The following SUN2 variants were observed in gnomAD, a reference collection of about 807,000 sequenced individuals.
SUN2 encodes Sad1 and UNC84 domain containing 2, also known as SUN domain-containing protein 2.
Under a neutral mutation model 100.0 loss-of-function variants are expected in SUN2, and 60 were observed. The observed-to-expected ratio is 0.60, with a 90% CI of 0.49 to 0.74. SUN2 has a LOEUF of 0.74. SUN2 is among the 30% of genes least tolerant of loss of function. The probability of loss-of-function intolerance (pLI) is 0.00; values close to 1 mark genes in which losing one functional copy is unlikely to be tolerated. For synonymous variants in SUN2, 367 were observed against 403.3 expected (o/e 0.91, Z 1.08); for missense variants, 834 against 954.6 (o/e 0.87, Z 1.66).
chr22:38,740,462 G>A lies in SUN2; in HGVS notation c.1191-30C>T, dbSNP rs1386495606. 51 of 1,443,322 alleles carry A rather than the reference G, an allele frequency of 3.5e-5. No homozygotes were observed. Among genetic ancestry groups the A allele is most frequent in the Non-Finnish European group, 4.4e-5 (48 of 1,090,154 alleles). The allele number at this position is 1,443,322 out of a possible 1,614,324, so 89.4% of individuals were successfully genotyped here. A position where few individuals can be genotyped will look rare whatever the true frequency, so the allele number is the denominator to read the frequency against. ...TCCCAGAGAGAGAAGAGTAAGCCTC[G>A]GATCTCTTTGGTGGGAGGTAAGGCC... is the stretch of plus-strand genomic sequence containing the variant. On this transcript the variant is annotated intron_variant, in intron 11 of 17. Coordinates refer to ENST00000689035, the MANE Select transcript of SUN2 (RefSeq NM_015374.3). This position sits in a 1 kb window ranked among gnomAD's most constrained non-coding sequence, Gnocchi z 4.8.
At chr22:38,745,544 C>G in intron 8 of SUN2, 140 bp downstream of exon 8, 1 of 1,132,352 alleles carries the variant, frequency 8.8e-7, no homozygotes, top group Non-Finnish European at 1.3e-6. Context: ...TTTCTGTTTT[C>G]TGTGCCTTGT....
intron 1 of SUN2, chr22:38,754,837 G>T: frequency 7.8e-7 from 1 of 1,287,924 alleles, no homozygotes; most frequent in South Asian, 1.2e-5. Flanking sequence ...CGCCCTCCCA[G>T]AACTCCCAGA....
rs767850628 is a variant in SUN2, at chr22:38,745,791, A to T, written c.706T>A (p.Tyr236Asn). 1.9e-6 allele frequency: 3 copies of T among 1,614,008 alleles called. No homozygotes were observed. The East Asian group carries it at 6.7e-5, about 36-fold the overall frequency. Residue 236 changes from tyrosine to asparagine, a missense_variant, in exon 8 of 18, where the codon TAT (tyrosine) becomes AAT (asparagine). This residue lies in a region of SUN2 where 559 missense variants were observed against 597.7 expected (regional missense o/e 0.94). Transcript: ENST00000689035. The part of the protein sequence containing the change: ...LTYGAWYFYP[Y>N]GLQTFHPALV... Reference sequence around the variant, plus strand: ...GCAGGGTGGAATGTCTGCAGCCCATAGGGGTAGAAATACCAAGCACCTGTG... The same window carrying T: ...GCAGGGTGGAATGTCTGCAGCCCATTGGGGTAGAAATACCAAGCACCTGTG...
chr22:38,749,697 T>TGACACACTTTACCCGTCCCTTCAC, intron 6 of SUN2, 69 bp downstream of exon 6: 1 of 1,416,188 alleles, frequency 7.1e-7, no homozygotes, highest in Non-Finnish European at 9.9e-7. Context: ...CATTACAGGT[T>TGACACACTTTACCCGTCCCTTCAC]GACACACTTT....
Position 38,740,490 on chromosome 22 carries a change from A to G in SUN2, c.1191-58T>C, listed in dbSNP as rs995887855. Reference sequence around the variant, plus strand: ...TCTCTTTGGTGGGAGGTAAGGCCACACCAAAGATGAAAGAGGACCCCCTAG... The same window carrying G: ...TCTCTTTGGTGGGAGGTAAGGCCACGCCAAAGATGAAAGAGGACCCCCTAG... On this transcript the variant is annotated intron_variant, in intron 11 of 17. Coordinates refer to ENST00000689035, the MANE Select transcript of SUN2 (RefSeq NM_015374.3). The surrounding 1 kb of genome is among the most constrained non-coding windows in gnomAD (Gnocchi z 4.8). 2 of 1,405,582 alleles carry G rather than the reference A, an allele frequency of 1.4e-6. No individual in the cohort carries two copies. The highest frequency in any genetic ancestry group is 2.9e-5 in the African/African-American group (2 of 67,964). 87.1% of individuals were successfully genotyped at this position (1,405,582 alleles called of 1,614,324 possible). A position where few individuals can be genotyped will look rare whatever the true frequency, so the allele number is the denominator to read the frequency against.
Position 38,745,795 on chromosome 22 carries a change from G to A in SUN2, c.702C>T (p.Tyr234=). ...GGTGGAATGTCTGCAGCCCATAGGG[G>A]TAGAAATACCAAGCACCTGTGCACA... The part of the protein sequence containing the change: ...TCLTYGAWYF[Y]PYGLQTFHPA... Residue 234 remains tyrosine, a synonymous_variant, in exon 8 of 18, where the codon TAC becomes TAT. Transcript: ENST00000689035. The A allele has an allele frequency of 1.2e-6, 2 of 1,614,004 alleles. No homozygotes were observed. The highest frequency in any genetic ancestry group is 1.7e-6 in the Non-Finnish European group (2 of 1,179,982).
In SUN2 at chr22:38,738,482, T is replaced by C; in HGVS notation, c.1947+105A>G. On this transcript the variant is annotated intron_variant, in intron 16 of 17. Coordinates refer to ENST00000689035, the MANE Select transcript of SUN2 (RefSeq NM_015374.3). This position sits in a 1 kb window ranked among gnomAD's most constrained non-coding sequence, Gnocchi z 6.6. ...CTAGCTCCTCCTCTTCCAAATCCACTCCCCTCCCTTCCAGTCCAAGGGTGA... is the reference window on the plus strand; with the variant it reads ...CTAGCTCCTCCTCTTCCAAATCCACCCCCCTCCCTTCCAGTCCAAGGGTGA... The C allele has an allele frequency of 6.9e-7, 1 of 1,457,350 alleles. No individual in the cohort carries two copies. The highest frequency in any genetic ancestry group is 9.4e-7 in the Non-Finnish European group (1 of 1,068,450). 90.3% of individuals were successfully genotyped at this position (1,457,350 alleles called of 1,614,324 possible). A position where few individuals can be genotyped will look rare whatever the true frequency, so the allele number is the denominator to read the frequency against.
Position 38,738,149 on chromosome 22 carries a change from T to G in SUN2, c.2040+24A>C. 1 of 1,610,616 alleles carries G rather than the reference T, an allele frequency of 6.2e-7. No homozygotes were observed. The highest frequency in any genetic ancestry group is 8.5e-7 in the Non-Finnish European group (1 of 1,177,050). ...CTGGATGGGGAGTCTGCGCCACTTC[T>G]GCTAGCACAGCAGCATCCCGTACCT... On this transcript the variant is annotated intron_variant, in intron 17 of 17. Coordinates refer to ENST00000689035, the MANE Select transcript of SUN2 (RefSeq NM_015374.3). The surrounding 1 kb of genome is among the most constrained non-coding windows in gnomAD (Gnocchi z 6.6).
Position 38,740,425 on chromosome 22 carries a change from G to T in SUN2, c.1198C>A (p.Gln400Lys). The change falls in exon 12 of 18, where the codon CAG (glutamine) becomes AAG (lysine). Residue 400 changes from glutamine (Q) to lysine (K), a missense_variant. This residue lies in a region of SUN2 where 559 missense variants were observed against 597.7 expected (regional missense o/e 0.94). Coordinates refer to ENST00000689035, the MANE Select transcript of SUN2 (RefSeq NM_015374.3). The surrounding 1 kb of genome is among the most constrained non-coding windows in gnomAD (Gnocchi z 4.8). ...QLKSEWQSMT[Q>K]ESFQESSVKE... ...ACAGAGCTCTCCTGGAAGGACTCCT[G>T]GGTCATGCTGGTCCCAGAGAGAGAA... The T allele has an allele frequency of 1.3e-6, 2 of 1,516,276 alleles. No individual in the cohort carries two copies. The highest frequency in any genetic ancestry group is 4.8e-5 in the East Asian group (2 of 41,430). 93.9% of individuals were successfully genotyped at this position (1,516,276 alleles called of 1,614,324 possible).
chr22:38,742,184 T>A, intron 9 of SUN2, 117 bp downstream of exon 9: 1 of 1,325,996 alleles, frequency 7.5e-7, no homozygotes, highest in Non-Finnish European at 1.0e-6. Context: ...AGGGAGTAAC[T>A]GCAAAATGGC....
At chr22:38,752,964 C>A (rs2092958558) in intron 1 of SUN2, among the ~76,000 whole-genome samples, 1 of 152,204 alleles carries the variant, frequency 6.6e-6, no homozygotes, top group South Asian at 2.1e-4. Context: ...TGTCTTTATC[C>A]TTCATGGTGC....
At chr22:38,746,570 T>C (rs1301232735) in intron 7 of SUN2, among the ~76,000 whole-genome samples, 2 of 152,200 alleles carry the variant, frequency 1.3e-5, no homozygotes, top group Admixed American at 6.5e-5. Context: ...ATGGCCTTCA[T>C]GCACACACTC....
At chr22:38,736,426 C>A (rs2145915325) in intron 17 of SUN2, 46 bp from the exon 18 acceptor site, 1 of 1,501,648 alleles carries the variant, frequency 6.7e-7, no homozygotes. Context: ...ACCTGTGAGG[C>A]CTCACTGACA....
intron 4 of SUN2, 199 bp from the exon 5 acceptor site, chr22:38,750,519 C>G (rs922581300): frequency 5.8e-6 from 7 of 1,207,900 alleles, no homozygotes; most frequent in Admixed American, 2.4e-5. Context: ...TTGCATCCCT[C>G]TCCTCACCAG....
intron 8 of SUN2, among the ~76,000 whole-genome samples, chr22:38,745,453 A>T (rs765355722): frequency 4.5e-4 from 69 of 152,238 alleles, no homozygotes; most frequent in Non-Finnish European, 5.9e-4. Context: ...TATCCTAGTC[A>T]TAGAAGGTGC....
Position 38,752,513 on chromosome 22 carries a change from G to A in SUN2, c.116C>T (p.Pro39Leu). Residue 39 changes from proline (P) to leucine (L), a missense_variant, in exon 2 of 18, where the codon CCT becomes CTT. Coordinates refer to ENST00000689035, the MANE Select transcript of SUN2 (RefSeq NM_015374.3). ...CACTCCCTTGGGTCCCTACCTGAGA[G>A]GACTGTCTTTAAACAGGGTGCTCTG... ...GSQSTLFKDS[P>L]LRTLKRKSSN... is the part of the protein sequence containing the mutation. 6.2e-7 allele frequency: 1 copy of A among 1,611,680 alleles called. No homozygotes were observed.
At chr22:38,741,088 T>C (rs766882888) in intron 10 of SUN2, 38 bp from the exon 11 acceptor site, 2 of 1,572,702 alleles carry the variant, frequency 1.3e-6, no homozygotes, top group Admixed American at 1.9e-5. Context: ...GAAATACTCA[T>C]CTCAGAAATT....
In SUN2 at chr22:38,738,542, A is replaced by T; in HGVS notation, c.1947+45T>A. ...GATCCTCAGTAGAGAGGCCCACAGGATCCCCCTGCAGCCCCTCTGGCCCCA... is the reference window on the plus strand; with the variant it reads ...GATCCTCAGTAGAGAGGCCCACAGGTTCCCCCTGCAGCCCCTCTGGCCCCA... On this transcript the variant is annotated intron_variant, in intron 16 of 17. Coordinates refer to ENST00000689035, the MANE Select transcript of SUN2 (RefSeq NM_015374.3). The surrounding 1 kb of genome is among the most constrained non-coding windows in gnomAD (Gnocchi z 6.6). 1.9e-6 allele frequency: 3 copies of T among 1,591,150 alleles called. No individual in the cohort carries two copies. The highest frequency in any genetic ancestry group is 2.6e-6 in the Non-Finnish European group (3 of 1,164,110).
In SUN2 at chr22:38,738,010, A is replaced by T. The variant is rs1292236073; in HGVS notation, c.2040+163T>A. On this transcript the variant is annotated intron_variant, in intron 17 of 17. Transcript: ENST00000689035. The surrounding 1 kb of genome is among the most constrained non-coding windows in gnomAD (Gnocchi z 6.6). ...CTTCCCCTGTGCTGACGTCTGCAGG[A>T]TGCGTGTTACACCCCATTTGGATAT... 2.7e-6 allele frequency: 2 copies of T among 734,312 alleles called. No individual in the cohort carries two copies. The highest frequency in any genetic ancestry group is 4.0e-5 in the Admixed American group (2 of 50,176). 45.5% of individuals were successfully genotyped at this position (734,312 alleles called of 1,614,324 possible).
Sources: allele counts gnomAD v4.1 joint callset (sites outside exome capture counted in the v4.1 genomes callset), GRCh38; gene constraint gnomAD v4.1.1; regional missense constraint gnomAD v4.1.1; non-coding constraint Gnocchi (gnomAD v3.1); transcripts MANE v1.5; gene names NCBI Gene and HGNC (gene_info 2026-07-23, HGNC 2026-07-21).